The following TBCK variants were observed in gnomAD, a reference collection of about 807,000 sequenced individuals.
The protein encoded by TBCK is TBC domain-containing protein kinase-like protein.
In TBCK, 99 loss-of-function variants were observed where a neutral mutation model predicts 113.4. The ratio of observed to expected loss-of-function variants is 0.87; its 90% CI spans 0.74 to 1.03. The LOEUF (loss-of-function observed/expected upper bound fraction) is 1.03. Among genes scored for constraint, TBCK ranks in the 50% least tolerant of loss-of-function variants. The pLI is 0.00. For synonymous variants in TBCK, 369 were observed against 370.8 expected (o/e 1.00, Z 0.05); for missense variants, 1,045 against 1,061.3 (o/e 0.98, Z 0.21).
intron 8 of TBCK, 143 bp downstream of exon 8, chr4:106,248,778 G>A (rs1761109006): frequency 3.2e-6 from 2 of 629,914 alleles, no homozygotes; most frequent in South Asian, 4.6e-5. Context: ...CTCACCAGAC[G>A]ACCAAACGTA....
chr4:106,164,074 T>G (rs1471520477), intron 23 of TBCK, among the ~76,000 whole-genome samples: 2 of 152,124 alleles, frequency 1.3e-5, no homozygotes, highest in Non-Finnish European at 2.9e-5. Context: ...TGATTTTCTA[T>G]AAAATGTCTT....
At chr4:106,205,133 G>A (rs1003258067) in intron 20 of TBCK, among the ~76,000 whole-genome samples, 3 of 152,122 alleles carry the variant, frequency 2.0e-5, no homozygotes, top group South Asian at 4.1e-4. Context: ...GCTTTTAGGC[G>A]AAGATTAAAA....
At chr4:106,260,168 TAC>T (rs1413319770) in intron 5 of TBCK, among the ~76,000 whole-genome samples, 1 of 151,918 alleles carries the variant, frequency 6.6e-6, no homozygotes, top group African/African-American at 2.4e-5. Flanking sequence ...CTGAATGAAA[TAC>T]AGATAATTAG....
chr4:106,301,991 A>C (rs1473275202), intron 2 of TBCK, among the ~76,000 whole-genome samples: 1 of 152,216 alleles, frequency 6.6e-6, no homozygotes, highest in Non-Finnish European at 1.5e-5. Context: ...AAATGACTAG[A>C]ATGTTTTGGA....
intron 25 of TBCK, among the ~76,000 whole-genome samples, chr4:106,091,837 T>A (rs1197516193): frequency 2.0e-5 from 3 of 152,188 alleles, no homozygotes; most frequent in Admixed American, 2.0e-4. Context: ...TTTTATTCTC[T>A]TATCTGGCCC....
At chr4:106,207,191 T>C (rs570060470) in intron 20 of TBCK, among the ~76,000 whole-genome samples, 1 of 152,296 alleles carries the variant, frequency 6.6e-6, no homozygotes, top group Admixed American at 6.5e-5. Flanking sequence ...CCATGAAATG[T>C]ATAATCTAGG....
chr4:106,153,764 T>C (rs893643642), intron 23 of TBCK, among the ~76,000 whole-genome samples: 2 of 152,144 alleles, frequency 1.3e-5, no homozygotes, highest in Non-Finnish European at 2.9e-5. Context: ...ACACTGCTTA[T>C]ATATCCTCTT....
intron 24 of TBCK, among the ~76,000 whole-genome samples, 193 bp from the exon 25 acceptor site, chr4:106,095,834 GA>G (rs1252348521): frequency 6.6e-6 from 1 of 152,052 alleles, no homozygotes; most frequent in African/African-American, 2.4e-5. Flanking sequence ...GTAGAAAAGA[GA>G]AAGGAAGATG....
intron 24 of TBCK, among the ~76,000 whole-genome samples, chr4:106,099,665 C>T (rs903844836): frequency 2.0e-5 from 3 of 152,130 alleles, no homozygotes; most frequent in African/African-American, 7.2e-5. Context: ...TCATTTCCAA[C>T]ATCTTATCAG....
At chr4:106,232,899 C>A (rs773297578) in intron 17 of TBCK, 39 bp downstream of exon 17, 6 of 1,568,964 alleles carry the variant, frequency 3.8e-6, no homozygotes, top group Admixed American at 1.9e-5. Context: ...CAACAATTTT[C>A]TAATACTCCA....
chr4:106,132,833 T>C (rs868087514), intron 23 of TBCK, among the ~76,000 whole-genome samples: 43 of 152,218 alleles, frequency 2.8e-4, no homozygotes, highest in African/African-American at 1.0e-3. Flanking sequence ...GACTGCCTTA[T>C]TGGAGTCTGA....
chr4:106,206,214 A>G (rs552834789), intron 20 of TBCK, among the ~76,000 whole-genome samples: 35 of 151,036 alleles, frequency 2.3e-4, no homozygotes, highest in Middle Eastern at 3.4e-3. Flanking sequence ...AGCATAAGGA[A>G]TCATTAGATT....
At chr4:106,240,818 T>C (rs1167797742) in intron 12 of TBCK, among the ~76,000 whole-genome samples, 2 of 152,008 alleles carry the variant, frequency 1.3e-5, no homozygotes, top group Non-Finnish European at 2.9e-5. Context: ...GATTGATGAA[T>C]AGCTAGAAAG....
chr4:106,181,895 T>C (rs975611650), intron 22 of TBCK, among the ~76,000 whole-genome samples: 5 of 152,202 alleles, frequency 3.3e-5, no homozygotes, highest in Admixed American at 3.3e-4. Context: ...TTTTTTCCAA[T>C]TCTGAAAAGA....
At chr4:106,290,560 G>T (rs1199751346) in intron 3 of TBCK, among the ~76,000 whole-genome samples, 1 of 152,204 alleles carries the variant, frequency 6.6e-6, no homozygotes, top group Middle Eastern at 3.4e-3. Flanking sequence ...ACTAAATAAG[G>T]TTAAACTATT....
At position 106,095,652 on chromosome 4, in the gene TBCK, A is replaced by C. The variant is rs1740815049; in HGVS notation, c.2412-11T>G. ...TGACCACGAATAAAGCTGAGAAGGA[A>C]AGTTTAAGGAAAACATTTATTTGTG... On this transcript the variant is annotated splice_polypyrimidine_tract_variant and intron_variant, in intron 24 of 25. Coordinates refer to ENST00000394708, the MANE Select transcript of TBCK (RefSeq NM_001163435.3). 1.9e-6 allele frequency: 3 copies of C among 1,610,592 alleles called. No homozygotes were observed. In the South Asian group the frequency reaches 3.3e-5, roughly 18 times the overall value.
At chr4:106,239,410 T>C (rs893336437) in intron 12 of TBCK, among the ~76,000 whole-genome samples, 16 of 152,126 alleles carry the variant, frequency 1.1e-4, no homozygotes, top group African/African-American at 3.9e-4. Context: ...ACAGGATTCA[T>C]TCCTTCATTT....
chr4:106,280,847 T>A (rs1039388929), intron 3 of TBCK, among the ~76,000 whole-genome samples: 1 of 152,134 alleles, frequency 6.6e-6, no homozygotes, highest in Non-Finnish European at 1.5e-5. Context: ...TAATTTGAAG[T>A]CAGTAAATTT....
chr4:106,120,516 T>C (rs375663000), intron 23 of TBCK, among the ~76,000 whole-genome samples: 14 of 152,172 alleles, frequency 9.2e-5, no homozygotes, highest in South Asian at 4.1e-4. Context: ...GGGGGCAGGG[T>C]ACAGACAAAC....
Sources: allele counts gnomAD v4.1 joint callset (sites outside exome capture counted in the v4.1 genomes callset), GRCh38; gene constraint gnomAD v4.1.1; transcripts MANE v1.5; gene names NCBI Gene and HGNC (gene_info 2026-07-23, HGNC 2026-07-21).